The following OSBPL3 variants were observed in gnomAD, a reference collection of about 807,000 sequenced individuals.
The protein encoded by OSBPL3 is oxysterol binding protein like 3.
A neutral mutation model predicts 120.1 loss-of-function variants in OSBPL3; 65 were observed. That is an observed-to-expected ratio of 0.54 (90% CI 0.44 to 0.67). OSBPL3 has a LOEUF of 0.67. Ranked by LOEUF, OSBPL3 falls within the 30% of genes least tolerant of loss-of-function variation. The probability of loss-of-function intolerance (pLI) is 0.00; values close to 1 mark genes in which losing one functional copy is unlikely to be tolerated. For synonymous variants in OSBPL3, 416 were observed against 402.6 expected (o/e 1.03, Z -0.40); for missense variants, 1,004 against 1,082.1 (o/e 0.93, Z 1.01).
Position 24,822,439 on chromosome 7 carries a change from A to G in OSBPL3, c.1885-2201T>C, listed in dbSNP as rs960233191. On this transcript the variant is annotated intron_variant, in intron 16 of 22. Transcript: ENST00000313367. This position sits in a 1 kb window ranked among gnomAD's most constrained non-coding sequence, Gnocchi z 5.8. ...ACATAGTGAGACACTATCTATAATA[A>G]TAATAACCATTAATCAGCTCAAGAC... Among the ~76,000 whole-genome samples, 16 of 152,112 alleles carry G rather than the reference A, an allele frequency of 1.1e-4. No individual in the cohort carries two copies. The highest frequency in any genetic ancestry group is 3.3e-4 in the Admixed American group (5 of 15,260).
chr7:24,924,044 T>C (rs1470757852), intron 1 of OSBPL3, among the ~76,000 whole-genome samples: 1 of 152,214 alleles, frequency 6.6e-6, no homozygotes, highest in Non-Finnish European at 1.5e-5. Flanking sequence ...CAAAATTCTA[T>C]AAAATATTGA....
At chr7:24,837,296 C>T (rs528283425) in intron 14 of OSBPL3, among the ~76,000 whole-genome samples, 48 of 152,096 alleles carry the variant, frequency 3.2e-4, no homozygotes, top group Non-Finnish European at 5.6e-4. Flanking sequence ...CTCGAACTCC[C>T]GGGCCTAAAC....
At chr7:24,864,375 T>A (rs1801015510) in intron 7 of OSBPL3, among the ~76,000 whole-genome samples, 1 of 152,160 alleles carries the variant, frequency 6.6e-6, no homozygotes, top group Non-Finnish European at 1.5e-5. Context: ...CCACCCCTAG[T>A]TTTTTATTCC....
chr7:24,922,814 CTTGG>C lies in OSBPL3; in HGVS notation c.-149-30197_-149-30194del, dbSNP rs955280502. ...ACCCTGTCCCTGCTGCCCTCACCCT[CTTGG>C]TGAAAGTGACAGACCACCCTCTCAG... On this transcript the variant is annotated intron_variant, in intron 1 of 22. Coordinates refer to ENST00000313367, the MANE Select transcript of OSBPL3 (RefSeq NM_015550.4). This position sits in a 1 kb window ranked among gnomAD's most constrained non-coding sequence, Gnocchi z 4.3. 3.7e-4 allele frequency among the ~76,000 whole-genome samples: 56 copies of C among 152,226 alleles called. No homozygotes were observed. The highest frequency in any genetic ancestry group is 1.3e-3 in the African/African-American group (55 of 41,522).
intron 1 of OSBPL3, among the ~76,000 whole-genome samples, chr7:24,962,424 G>GGGAGA (rs1815876673): frequency 1.3e-5 from 1 of 76,222 alleles, no homozygotes; most frequent in Non-Finnish European, 2.7e-5. Flanking sequence ...GGGAGGGGAG[G>GGGAGA]GGAGAGGAGA....
intron 1 of OSBPL3, among the ~76,000 whole-genome samples, chr7:24,957,602 T>C (rs1020068972): frequency 6.6e-6 from 1 of 152,210 alleles, no homozygotes; most frequent in African/African-American, 2.4e-5. Flanking sequence ...TCTTAAATAA[T>C]ACACTTAATG....
At chr7:24,885,658 C>T (rs1324865803) in intron 2 of OSBPL3, among the ~76,000 whole-genome samples, 2 of 152,244 alleles carry the variant, frequency 1.3e-5, no homozygotes, top group African/African-American at 4.8e-5. Context: ...TAACAATACA[C>T]TTTAAAACTG....
In OSBPL3 at chr7:24,961,524, G is replaced by A. The variant is rs182671791; in HGVS notation, c.-150+18362C>T. 2.4e-3 allele frequency among the ~76,000 whole-genome samples: 365 copies of A among 152,084 alleles called. 2 individuals are homozygous for A. Among genetic ancestry groups the A allele is most frequent in the African/African-American group, 8.3e-3 (346 of 41,492 alleles). On this transcript the variant is annotated intron_variant, in intron 1 of 22. Coordinates refer to ENST00000313367, the MANE Select transcript of OSBPL3 (RefSeq NM_015550.4). ...TGGAGCCCTCCTGTATGGCATTAGCGCTCCCACAAAAAAGCTCCCAGAGAG... is the reference window on the plus strand; with the variant it reads ...TGGAGCCCTCCTGTATGGCATTAGCACTCCCACAAAAAAGCTCCCAGAGAG...
intron 1 of OSBPL3, among the ~76,000 whole-genome samples, chr7:24,970,574 C>T (rs1816900553): frequency 6.6e-6 from 1 of 152,018 alleles, no homozygotes; most frequent in Non-Finnish European, 1.5e-5. Context: ...GATATAGATA[C>T]AGATAGATAG....
rs533569545 is a variant in OSBPL3 at position 24,966,412 on chromosome 7, G to A, written c.-150+13474C>T. On this transcript the variant is annotated intron_variant, in intron 1 of 22. Transcript: ENST00000313367. The surrounding 1 kb of genome is among the most constrained non-coding windows in gnomAD (Gnocchi z 4.8). ...AGACCTCTGGATGCCACAAACAAGT[G>A]GGGCTTCCAGGCCCTTAATCAAGGA... 4.6e-5 allele frequency among the ~76,000 whole-genome samples: 7 copies of A among 152,312 alleles called. No individual in the cohort carries two copies. Among genetic ancestry groups the A allele is most frequent in the Non-Finnish European group, 8.8e-5 (6 of 68,028 alleles).
chr7:24,863,568 T>C lies in OSBPL3; in HGVS notation c.705A>G (p.Glu235=), dbSNP rs138714032. ...DLAHCHAYLV[E]MSQLLQSMDV... ...CCATGCTTTGCAGGAGCTGGCTCAT[T>C]TCTACCAGGTAGGCATGACAGTGCG... Residue 235 remains glutamate (E), a synonymous_variant, in exon 8 of 23, where the codon GAA becomes GAG. Coordinates refer to ENST00000313367, the MANE Select transcript of OSBPL3 (RefSeq NM_015550.4). The surrounding 1 kb of genome is among the most constrained non-coding windows in gnomAD (Gnocchi z 5.8). 2.8e-4 allele frequency: 447 copies of C among 1,614,012 alleles called. 1 individual carries two copies. The African/African-American group carries it at 4.5e-3, about 16-fold the overall frequency.
At chr7:24,853,601 T>C (rs766019129) in intron 10 of OSBPL3, among the ~76,000 whole-genome samples, 1 of 152,196 alleles carries the variant, frequency 6.6e-6, no homozygotes, top group Non-Finnish European at 1.5e-5. Flanking sequence ...GGAGGTAGAA[T>C]AGATAAAAGT....
intron 1 of OSBPL3, among the ~76,000 whole-genome samples, chr7:24,909,768 GTTTTTTTTTTCTTTCTTTTTTT>G (rs1322117086): frequency 9.0e-6 from 1 of 110,610 alleles, no homozygotes; most frequent in Non-Finnish European, 1.8e-5. Context: ...GAAAGCTACT[GTTTTTTTTTTCTTTCTTTTTTT>G]TTTTTTTTTT....
rs967650719 is a variant in OSBPL3, at chr7:24,922,776, G to A, written c.-149-30155C>T. ...AGTCCTGCTTCAGGCTTCAGGTCAA[G>A]GATCTCTGTCCAACCCTGTCCCTGC... On this transcript the variant is annotated intron_variant, in intron 1 of 22. Transcript: ENST00000313367. This position sits in a 1 kb window ranked among gnomAD's most constrained non-coding sequence, Gnocchi z 4.3. Among the ~76,000 whole-genome samples, 3 of 152,020 alleles carry A rather than the reference G, an allele frequency of 2.0e-5. No individual in the cohort carries two copies. Among genetic ancestry groups the A allele is most frequent in the Non-Finnish European group, 4.4e-5 (3 of 67,996 alleles).
At chr7:24,956,572 A>T (rs963702707) in intron 1 of OSBPL3, among the ~76,000 whole-genome samples, 1 of 152,214 alleles carries the variant, frequency 6.6e-6, no homozygotes, top group African/African-American at 2.4e-5. Context: ...TCTTACGCAC[A>T]TGAGGCATAT....
chr7:24,798,941 C>T lies in OSBPL3; in HGVS notation c.*1242G>A, dbSNP rs1295571903. 1 of 152,528 alleles carries T rather than the reference C, an allele frequency of 6.6e-6. No homozygotes were observed. Among genetic ancestry groups the T allele is most frequent in the Non-Finnish European group, 1.5e-5 (1 of 68,034 alleles). The allele number at this position is 152,528 out of a possible 1,614,324, so 9.4% of individuals were successfully genotyped here. ...CACATATTATTGTAATGTGAAATAA[C>T]ACATTTAAAAAGACGAAGGTTCCCC... On this transcript the variant is annotated 3_prime_UTR_variant, in exon 23 of 23. Transcript: ENST00000313367. This position sits in a 1 kb window ranked among gnomAD's most constrained non-coding sequence, Gnocchi z 4.6.
At position 24,845,113 on chromosome 7, in the gene OSBPL3, T is replaced by C. The variant is rs17150279; in HGVS notation, c.1267-2700A>G. Among the ~76,000 whole-genome samples the C allele has an allele frequency of 2.4e-3, 372 of 152,194 alleles. 1 individual carries two copies. Among genetic ancestry groups the C allele is most frequent in the African/African-American group, 8.7e-3 (361 of 41,548 alleles). Reference sequence around the variant, plus strand: ...TTTTTCAAAGAATTATTAATAACCTTCAAGGCAAGGCAAAATATATATTAC... The same window carrying C: ...TTTTTCAAAGAATTATTAATAACCTCCAAGGCAAGGCAAAATATATATTAC... On this transcript the variant is annotated intron_variant, in intron 12 of 22. Coordinates refer to ENST00000313367, the MANE Select transcript of OSBPL3 (RefSeq NM_015550.4).
At chr7:24,971,730 C>A (rs1011081881) in intron 1 of OSBPL3, among the ~76,000 whole-genome samples, 2 of 152,206 alleles carry the variant, frequency 1.3e-5, no homozygotes, top group African/African-American at 2.4e-5. Flanking sequence ...ATGATAGTAA[C>A]CACTTCCTAA....
chr7:24,853,261 A>G (rs959162370), intron 10 of OSBPL3, among the ~76,000 whole-genome samples: 3 of 152,250 alleles, frequency 2.0e-5, no homozygotes, highest in African/African-American at 7.2e-5. Flanking sequence ...CAGGTGATCA[A>G]AATTAACTAT....
Sources: gnomAD v4.1 joint callset for allele counts (sites outside exome capture counted in the v4.1 genomes callset) on GRCh38, gnomAD v4.1.1 for gene constraint, Gnocchi (gnomAD v3.1) non-coding constraint, MANE v1.5 for transcripts, NCBI Gene and HGNC (gene_info 2026-07-23, HGNC 2026-07-21) for gene names.